Variants in ACBD6 observed in about 807,000 individuals in gnomAD.
ACBD6 encodes acyl-CoA-binding domain-containing protein 6.
Under a neutral mutation model 37.2 loss-of-function variants are expected in ACBD6, and 28 were observed. The ratio of observed to expected loss-of-function variants is 0.75; its 90% CI spans 0.56 to 1.03. The LOEUF is 1.03. ACBD6 is among the 50% of genes least tolerant of loss of function. The pLI is 0.00. For synonymous variants in ACBD6, 113 were observed against 126.8 expected (o/e 0.89, Z 0.73); for missense variants, 340 against 337.4 (o/e 1.01, Z -0.06).
At chr1:180,334,216 C>T (rs1483870456) in intron 6 of ACBD6, among the ~76,000 whole-genome samples, 1 of 152,224 alleles carries the variant, frequency 6.6e-6, no homozygotes, top group Non-Finnish European at 1.5e-5. Flanking sequence ...CAGACTGCCT[C>T]CTCAAGTGGG....
Position 180,502,435 on chromosome 1 carries a change from C to A in ACBD6, c.-169G>T. On this transcript the variant is annotated 5_prime_UTR_variant, in exon 1 of 8. Coordinates refer to ENST00000367595, the MANE Select transcript of ACBD6 (RefSeq NM_032360.4). ...ACGTGACCCTGCTCCCTGCCCACTTCTACTCCCTGGGCGTGCAGAGCAGGC... is the reference window on the plus strand; with the variant it reads ...ACGTGACCCTGCTCCCTGCCCACTTATACTCCCTGGGCGTGCAGAGCAGGC... 5.5e-6 allele frequency: 4 copies of A among 730,030 alleles called. No individual in the cohort carries two copies. Among genetic ancestry groups the A allele is most frequent in the Non-Finnish European group, 9.6e-6 (4 of 418,528 alleles). The allele number at this position is 730,030 out of a possible 1,614,324, so 45.2% of individuals were successfully genotyped here.
At chr1:180,361,471 G>T (rs202085472) in intron 6 of ACBD6, among the ~76,000 whole-genome samples, 1 of 17,070 alleles carries the variant, frequency 5.9e-5, no homozygotes, top group African/African-American at 7.4e-5. Context: ...AAATTTTATA[G>T]ACACTTTTTT....
In ACBD6 at chr1:180,356,659, C is replaced by A. The variant is rs1249314130; in HGVS notation, c.663+40857G>T. 2.0e-5 allele frequency among the ~76,000 whole-genome samples: 3 copies of A among 151,666 alleles called. No homozygotes were observed. The East Asian group carries it at 5.9e-4, about 30-fold the overall frequency. ...TTCGTAAGTTCAAGACCAACCTGGG[C>A]AGTATGGCGAAACCCCATTTCTACA... On this transcript the variant is annotated intron_variant, in intron 6 of 7. Coordinates refer to ENST00000367595, the MANE Select transcript of ACBD6 (RefSeq NM_032360.4).
intron 6 of ACBD6, among the ~76,000 whole-genome samples, chr1:180,395,956 T>A (rs972321690): frequency 1.2e-4 from 19 of 152,120 alleles, no homozygotes; most frequent in Non-Finnish European, 2.5e-4. Context: ...ACAAATAATA[T>A]TCGGCTTTAA....
At chr1:180,480,767 C>T (rs1651001606) in intron 3 of ACBD6, among the ~76,000 whole-genome samples, 1 of 152,092 alleles carries the variant, frequency 6.6e-6, no homozygotes, top group Non-Finnish European at 1.5e-5. Context: ...CACGGTGGCT[C>T]ATGCCTGTAA....
In ACBD6 at chr1:180,288,266, A is replaced by G; in HGVS notation, c.*97T>C. 1 of 1,548,984 alleles carries G rather than the reference A, an allele frequency of 6.5e-7. No homozygotes were observed. The highest frequency in any genetic ancestry group is 8.8e-7 in the Non-Finnish European group (1 of 1,131,632). Reference sequence around the variant, plus strand: ...CAGAACTGATTTTATTAGCCAATACATACCAAAGACGGGTGGAAAAGAAGT... The same window carrying G: ...CAGAACTGATTTTATTAGCCAATACGTACCAAAGACGGGTGGAAAAGAAGT... On this transcript the variant is annotated 3_prime_UTR_variant, in exon 8 of 8. Transcript: ENST00000367595.
chr1:180,387,933 T>C (rs1183667294), intron 6 of ACBD6, among the ~76,000 whole-genome samples: 1 of 151,924 alleles, frequency 6.6e-6, no homozygotes, highest in South Asian at 2.1e-4. Flanking sequence ...CCCACCACTT[T>C]GGGAGGCCGA....
At chr1:180,285,108 C>A (rs1649441951), downstream of ACBD6, among the ~76,000 whole-genome samples, 1 of 152,094 alleles carries the variant, frequency 6.6e-6, no homozygotes, top group Non-Finnish European at 1.5e-5. Context: ...TGCACTCCAG[C>A]CTAGATGACA....
chr1:180,343,992 T>G (rs920789464), intron 6 of ACBD6, among the ~76,000 whole-genome samples: 18 of 151,618 alleles, frequency 1.2e-4, no homozygotes, highest in African/African-American at 4.1e-4. Context: ...GGGCCCAGAG[T>G]AGGGAAAAAG....
At chr1:180,271,285 G>C in exon 14 of ACBD6, 1 of 1,411,506 alleles carries the variant, frequency 7.1e-7, no homozygotes, top group Non-Finnish European at 1.0e-6. Context: ...ACAGCAGGCA[G>C]GCTTAGGTGC....
At chr1:180,328,222 C>T (rs1030885131) in intron 6 of ACBD6, among the ~76,000 whole-genome samples, 1 of 151,738 alleles carries the variant, frequency 6.6e-6, no homozygotes, top group African/African-American at 2.4e-5. Flanking sequence ...AAGATACATA[C>T]ATATATACAC....
At chr1:180,359,557 A>G (rs1399038246) in intron 6 of ACBD6, among the ~76,000 whole-genome samples, 1 of 152,216 alleles carries the variant, frequency 6.6e-6, no homozygotes, top group African/African-American at 2.4e-5. Flanking sequence ...TTGATGGAAG[A>G]AAAGTGTTAA....
chr1:180,317,220 A>C (rs1165496404), intron 6 of ACBD6, among the ~76,000 whole-genome samples: 1 of 148,848 alleles, frequency 6.7e-6, no homozygotes, highest in Non-Finnish European at 1.5e-5. Context: ...ATTTTAAAAA[A>C]GAGAGTGTGG....
chr1:180,334,305 T>A (rs1229443266), intron 6 of ACBD6, among the ~76,000 whole-genome samples: 2 of 152,118 alleles, frequency 1.3e-5, no homozygotes, highest in Non-Finnish European at 2.9e-5. Context: ...CGGGTACTCC[T>A]CTGAGACAAA....
chr1:180,502,295 T>C lies in ACBD6; in HGVS notation c.-29A>G. On this transcript the variant is annotated 5_prime_UTR_variant, in exon 1 of 8. Coordinates refer to ENST00000367595, the MANE Select transcript of ACBD6 (RefSeq NM_032360.4). Reference sequence around the variant, plus strand: ...TCCTTGCTCGCTCCGTCCCTCTGTGTCCGGTCTGTCCTCCTTGGATTGGGT... The same window carrying C: ...TCCTTGCTCGCTCCGTCCCTCTGTGCCCGGTCTGTCCTCCTTGGATTGGGT... 1 of 1,609,734 alleles carries C rather than the reference T, an allele frequency of 6.2e-7. No homozygotes were observed. The highest frequency in any genetic ancestry group is 8.5e-7 in the Non-Finnish European group (1 of 1,178,686).
At chr1:180,479,813 C>T (rs1650953159) in intron 3 of ACBD6, among the ~76,000 whole-genome samples, 1 of 151,930 alleles carries the variant, frequency 6.6e-6, no homozygotes, top group Non-Finnish European at 1.5e-5. Context: ...CATGGCGAAA[C>T]CCTGTCCCTA....
At chr1:180,396,316 C>T (rs1046420581) in intron 6 of ACBD6, among the ~76,000 whole-genome samples, 2 of 151,872 alleles carry the variant, frequency 1.3e-5, no homozygotes, top group South Asian at 2.1e-4. Flanking sequence ...GAGTATTTTA[C>T]CACAATAAAA....
intron 3 of ACBD6, among the ~76,000 whole-genome samples, chr1:180,466,173 T>C (rs1430039521): frequency 6.6e-6 from 1 of 152,094 alleles, no homozygotes; most frequent in African/African-American, 2.4e-5. Context: ...AAAAATAAAG[T>C]GGGTAAACTG....
intron 6 of ACBD6, among the ~76,000 whole-genome samples, chr1:180,328,552 T>C (rs1463150374): frequency 6.6e-6 from 1 of 152,040 alleles, no homozygotes; most frequent in Admixed American, 6.6e-5. Flanking sequence ...TTTCCCATGA[T>C]ATGGCTAACG....
Sources: allele counts gnomAD v4.1 joint callset (sites outside exome capture counted in the v4.1 genomes callset), GRCh38; gene constraint gnomAD v4.1.1; transcripts MANE v1.5; gene names NCBI Gene and HGNC (gene_info 2026-07-23, HGNC 2026-07-21).